The following TNNI3K variants were observed in gnomAD, a reference collection of about 807,000 sequenced individuals.
TNNI3K encodes TNNI3 interacting kinase, also known as serine/threonine-protein kinase TNNI3K.
In TNNI3K, 140 loss-of-function variants were observed where a neutral mutation model predicts 114.5. That is an observed-to-expected ratio of 1.22 (90% CI 1.07 to 1.41). The LOEUF (loss-of-function observed/expected upper bound fraction) is 1.41. TNNI3K is among the 40% of genes most tolerant of loss of function. The probability of loss-of-function intolerance (pLI) is 0.00; values close to 1 mark genes in which losing one functional copy is unlikely to be tolerated. For synonymous variants in TNNI3K, 347 were observed against 347.5 expected (o/e 1.00, Z 0.02); for missense variants, 1,125 against 1,007.6 (o/e 1.12, Z -1.58).
At chr1:74,406,079 G>A (rs2100601027) in intron 17 of TNNI3K, among the ~76,000 whole-genome samples, 1 of 152,250 alleles carries the variant, frequency 6.6e-6, no homozygotes, top group Admixed American at 6.5e-5. Flanking sequence ...ATCTCCTATT[G>A]GGAGGCTCTT....
Position 74,475,115 on chromosome 1 carries a change from C to CA in TNNI3K, c.2121+11565_2121+11566insA, listed in dbSNP as rs1491165322. ...TAAGAACACTTCATCTCCACCTCAG[C>CA]CCACACACACACACACACACACACA... On this transcript the variant is annotated intron_variant, in intron 21 of 24. Transcript: ENST00000326637. Among the ~76,000 whole-genome samples the CA allele has an allele frequency of 1.3e-3, 167 of 131,516 alleles. 2 individuals carry two copies. Among genetic ancestry groups the CA allele is most frequent in the Middle Eastern group, 0.011 (3 of 264 alleles). The allele number at this position is 131,516 out of a possible 152,430, so 86.3% of individuals were successfully genotyped here. A position where few individuals can be genotyped will look rare whatever the true frequency, so the allele number is the denominator to read the frequency against.
chr1:74,309,161 G>T (rs1029158907), intron 5 of TNNI3K, among the ~76,000 whole-genome samples: 2 of 151,262 alleles, frequency 1.3e-5, no homozygotes, highest in African/African-American at 4.9e-5. Context: ...GAGGTCAGGA[G>T]ATCGAGACCA....
rs1396676116 is a variant in TNNI3K at position 74,255,078 on chromosome 1, T to C, written c.333+4309T>C. ...AAACATTATGAACTTGTTCTTTAAC[T>C]GTAAACATCTAGAGGTTAAAAATGC... On this transcript the variant is annotated intron_variant, in intron 4 of 24. Transcript: ENST00000326637. Among the ~76,000 whole-genome samples the C allele has an allele frequency of 2.0e-5, 3 of 152,326 alleles. No individual in the cohort carries two copies. In the East Asian group the frequency reaches 5.8e-4, roughly 29 times the overall value.
intron 23 of TNNI3K, among the ~76,000 whole-genome samples, chr1:74,508,428 G>T: frequency 6.6e-6 from 1 of 152,118 alleles, no homozygotes; most frequent in African/African-American, 2.4e-5. Flanking sequence ...TTTCACAGAT[G>T]AGAAAAAATA....
At chr1:74,401,915 G>A (rs779928761) in intron 17 of TNNI3K, 24 of 452,298 alleles carry the variant, frequency 5.3e-5, no homozygotes, top group South Asian at 1.6e-5. Flanking sequence ...TAACAGGGAA[G>A]AATGCAATTT....
chr1:74,541,112 G>A (rs1201757743), intron 24 of TNNI3K, among the ~76,000 whole-genome samples: 1 of 152,142 alleles, frequency 6.6e-6, no homozygotes, highest in African/African-American at 2.4e-5. Flanking sequence ...GACTGAAAAA[G>A]TATCTGTCAG....
intron 20 of TNNI3K, among the ~76,000 whole-genome samples, chr1:74,457,409 G>A (rs1005748056): frequency 6.6e-6 from 1 of 152,126 alleles, no homozygotes; most frequent in Non-Finnish European, 1.5e-5. Flanking sequence ...TCTCAAGATT[G>A]CAATCTCATG....
At chr1:74,490,472 A>G (rs1241942509) in intron 22 of TNNI3K, among the ~76,000 whole-genome samples, 2 of 152,228 alleles carry the variant, frequency 1.3e-5, no homozygotes, top group African/African-American at 2.4e-5. Context: ...GGAATCCACC[A>G]TGATAGGATC....
intron 23 of TNNI3K, among the ~76,000 whole-genome samples, chr1:74,499,182 G>A (rs1669482335): frequency 6.6e-6 from 1 of 152,112 alleles, no homozygotes; most frequent in South Asian, 2.1e-4. Context: ...CCTGCAAATG[G>A]GACCATGTCT....
At chr1:74,449,778 A>G (rs960232302) in intron 20 of TNNI3K, among the ~76,000 whole-genome samples, 1 of 151,284 alleles carries the variant, frequency 6.6e-6, no homozygotes, top group African/African-American at 2.4e-5. Flanking sequence ...ACCTACAAAG[A>G]GACTTAGACT....
At chr1:74,450,382 A>G (rs1666931911) in intron 20 of TNNI3K, among the ~76,000 whole-genome samples, 1 of 152,122 alleles carries the variant, frequency 6.6e-6, no homozygotes, top group Non-Finnish European at 1.5e-5. Flanking sequence ...AAAAGCTAGC[A>G]GAAGGCAAGA....
chr1:74,486,397 C>G (rs987147995), intron 21 of TNNI3K, among the ~76,000 whole-genome samples: 33 of 151,988 alleles, frequency 2.2e-4, no homozygotes, highest in African/African-American at 8.0e-4. Flanking sequence ...GCTACTTGAT[C>G]ATTCAGATAC....
At chr1:74,247,893 C>A (rs188857145) in intron 2 of TNNI3K, among the ~76,000 whole-genome samples, 3 of 152,160 alleles carry the variant, frequency 2.0e-5, no homozygotes, top group African/African-American at 7.2e-5. Flanking sequence ...TCCCACGCTG[C>A]GTGCCTGCAC....
intron 17 of TNNI3K, among the ~76,000 whole-genome samples, chr1:74,425,709 C>T (rs911281120): frequency 3.3e-5 from 5 of 151,944 alleles, no homozygotes; most frequent in Non-Finnish European, 7.4e-5. Context: ...AATCGAGCAG[C>T]GTCCTGAAAT....
At chr1:74,361,661 A>C (rs1003932025) in intron 11 of TNNI3K, among the ~76,000 whole-genome samples, 2 of 152,080 alleles carry the variant, frequency 1.3e-5, no homozygotes, top group East Asian at 1.9e-4. Flanking sequence ...GTTAACAATA[A>C]GTACTATGAA....
At chr1:74,237,731 G>T (rs900421434) in intron 2 of TNNI3K, among the ~76,000 whole-genome samples, 1 of 151,938 alleles carries the variant, frequency 6.6e-6, no homozygotes, top group Non-Finnish European at 1.5e-5. Flanking sequence ...ATTAGCATTG[G>T]GGGTGAGATG....
chr1:74,460,377 A>T (rs913173301), intron 20 of TNNI3K, among the ~76,000 whole-genome samples: 40 of 152,194 alleles, frequency 2.6e-4, no homozygotes, highest in African/African-American at 9.2e-4. Flanking sequence ...GTTCTATTGG[A>T]TACTCCTACT....
chr1:74,444,681 T>A (rs763878272), intron 20 of TNNI3K, among the ~76,000 whole-genome samples: 2 of 151,068 alleles, frequency 1.3e-5, no homozygotes, highest in South Asian at 2.1e-4. Context: ...AGAAAAAAAA[T>A]TTAAATTCAT....
chr1:74,392,371 A>G (rs750218113), intron 17 of TNNI3K, among the ~76,000 whole-genome samples: 2 of 152,184 alleles, frequency 1.3e-5, no homozygotes, highest in Non-Finnish European at 2.9e-5. Flanking sequence ...GGAGCTCAGT[A>G]TGAGCCTGCT....
Sources: gnomAD v4.1 joint callset for allele counts (sites outside exome capture counted in the v4.1 genomes callset) on GRCh38, gnomAD v4.1.1 for gene constraint, MANE v1.5 for transcripts, NCBI Gene and HGNC (gene_info 2026-07-23, HGNC 2026-07-21) for gene names.